The following RNF17 variants were observed in gnomAD, a reference collection of about 807,000 sequenced individuals.
RNF17 encodes the protein ring finger protein 17, also known as spermatogenesis associated 23.
Under a neutral mutation model 200.5 loss-of-function variants are expected in RNF17, and 31 were observed. That is an observed-to-expected ratio of 0.15 (90% confidence interval 0.12 to 0.21). The LOEUF (loss-of-function observed/expected upper bound fraction) is 0.21, where lower values mean the gene tolerates loss of function less well. Ranked by LOEUF, RNF17 falls within the 10% of genes least tolerant of loss-of-function variation. The probability of loss-of-function intolerance (pLI) is 1.00; values close to 1 mark genes in which losing one functional copy is unlikely to be tolerated. For missense variants in RNF17, 1,628 were observed against 1,905.1 expected, an observed-to-expected ratio of 0.85 and a Z score of 2.71; for synonymous variants, 606 against 637.8, an observed-to-expected ratio of 0.95 and a Z score of 0.75.
chr13:24,747,870 G>C, the RNF17 span, among the ~76,000 whole-genome samples: 1 of 152,268 alleles, frequency 6.6e-6, no homozygotes, highest in South Asian at 2.1e-4. Flanking sequence ...CCCCAGGTTG[G>C]CTAAAGCGGT....
rs56380421 is a variant in RNF17 at position 24,870,484 on chromosome 13, G to A, written c.4279-87G>A. The A allele has an allele frequency of 5.9e-3, 6,878 of 1,156,544 alleles. 254 individuals carry two copies. In the African/African-American group the frequency reaches 0.089, roughly 15 times the overall value. The allele number at this position is 1,156,544 out of a possible 1,614,324, so 71.6% of individuals were successfully genotyped here. A position where few individuals can be genotyped will look rare whatever the true frequency, so the allele number is the denominator to read the frequency against. Reference sequence around the variant, plus strand: ...AGGGGTCTCTGGGAGCATCGCTGGAGGCTGTCTGCTACAGTAATTTTGTCC... The same window carrying A: ...AGGGGTCTCTGGGAGCATCGCTGGAAGCTGTCTGCTACAGTAATTTTGTCC... On this transcript the variant is annotated intron_variant, in intron 31 of 35. Coordinates refer to ENST00000255324, the MANE Select transcript of RNF17 (RefSeq NM_031277.3).
chr13:24,847,232 A>G (rs148457236), intron 22 of RNF17, among the ~76,000 whole-genome samples: 1 of 152,308 alleles, frequency 6.6e-6, no homozygotes, highest in East Asian at 1.9e-4. Context: ...TCTTCATATT[A>G]CAATTGAAGA....
chr13:24,838,286 C>T (rs752154439), intron 18 of RNF17, among the ~76,000 whole-genome samples: 3 of 152,152 alleles, frequency 2.0e-5, no homozygotes, highest in Non-Finnish European at 4.4e-5. Flanking sequence ...CCTTTTGACA[C>T]TATTCCACAA....
chr13:24,772,426 A>ATTTTTTTTTT (rs34066913), intron 2 of RNF17, among the ~76,000 whole-genome samples: 196 of 105,952 alleles, frequency 1.8e-3, no homozygotes, highest in Non-Finnish European at 2.7e-3. Context: ...TTGAGTCTCC[A>ATTTTTTTTTT]TTTTTTTTTT....
At chr13:24,806,084 T>C (rs993157814) in intron 15 of RNF17, among the ~76,000 whole-genome samples, 4 of 152,126 alleles carry the variant, frequency 2.6e-5, no homozygotes, top group African/African-American at 9.7e-5. Flanking sequence ...CCCCTCCCTG[T>C]GTCTGTGTGT....
At chr13:24,764,618 C>T (rs1879314031) in intron 1 of RNF17, among the ~76,000 whole-genome samples, 1 of 152,218 alleles carries the variant, frequency 6.6e-6, no homozygotes, top group Non-Finnish European at 1.5e-5. Flanking sequence ...TAATCTACTC[C>T]TCACAAGGCA....
At chr13:24,803,947 T>G in intron 14 of RNF17, 1 of 249,958 alleles carries the variant, frequency 4.0e-6, no homozygotes, top group South Asian at 4.8e-5. Context: ...AGTCCTTCCT[T>G]TAGATCAAGT....
chr13:24,804,058 C>T (rs1885561307), intron 14 of RNF17: 3 of 419,328 alleles, frequency 7.2e-6, no homozygotes, highest in Admixed American at 4.2e-5. Context: ...GTCGCCTGAG[C>T]CCAGGAGTTC....
At position 24,859,098 on chromosome 13, in the gene RNF17, A is replaced by G. The variant is rs780114471; in HGVS notation, c.3708A>G (p.Ala1236=). 1.2e-6 allele frequency: 2 copies of G among 1,613,464 alleles called. No individual in the cohort carries two copies. The highest frequency in any genetic ancestry group is 1.3e-5 in the African/African-American group (1 of 75,052). Residue 1236 remains alanine, a synonymous_variant, in exon 26 of 36, where the codon GCA becomes GCG. Coordinates refer to ENST00000255324, the MANE Select transcript of RNF17 (RefSeq NM_031277.3). ...PYFWKKGEAC[A]VRGSDTLWYR... is the part of the protein sequence containing the mutation. ...TCTGGAAAAAAGGAGAAGCATGTGC[A>G]GTAAGAGGATCCGATACTCTGTGGT...
chr13:24,884,153 G>A (rs1566276098), downstream of RNF17: 1 of 1,613,996 alleles, frequency 6.2e-7, no homozygotes, highest in Admixed American at 1.7e-5. Flanking sequence ...GGTGGAGCAA[G>A]TTTGTACCTA....
At chr13:24,754,869 C>G in the RNF17 span, among the ~76,000 whole-genome samples, 1 of 149,990 alleles carries the variant, frequency 6.7e-6, no homozygotes, top group African/African-American at 2.5e-5. Context: ...GCACTCCAAA[C>G]TGGGTGACAG....
chr13:24,827,681 G>C (rs557433804), intron 16 of RNF17, among the ~76,000 whole-genome samples: 1 of 106,412 alleles, frequency 9.4e-6, no homozygotes, highest in Non-Finnish European at 1.7e-5. Flanking sequence ...CAGCCTGGGC[G>C]ACAGAGCGAG....
chr13:24,849,989 GTTCTC>G (rs1891689911), intron 22 of RNF17, among the ~76,000 whole-genome samples: 1 of 152,080 alleles, frequency 6.6e-6, no homozygotes, highest in Non-Finnish European at 1.5e-5. Context: ...CATCATTCCT[GTTCTC>G]TTGGAGTTTA....
At position 24,771,865 on chromosome 13, in the gene RNF17, A is replaced by G. The variant is rs1880770438; in HGVS notation, c.226-2948A>G. On this transcript the variant is annotated intron_variant, in intron 2 of 35. Transcript: ENST00000255324. ...ACTAAAAATACCAAATTAGCCAGGC[A>G]TGGTGGCGCATGCCTGTAATCCCAG... Among the ~76,000 whole-genome samples the G allele has an allele frequency of 2.0e-5, 3 of 152,022 alleles. No homozygotes were observed. The South Asian group carries it at 6.2e-4, about 32-fold the overall frequency.
At chr13:24,777,844 T>C (rs1881778485) in intron 3 of RNF17, among the ~76,000 whole-genome samples, 1 of 152,240 alleles carries the variant, frequency 6.6e-6, no homozygotes, top group African/African-American at 2.4e-5. Context: ...TTCCCACTTA[T>C]GGTTAATTGG....
intron 8 of RNF17, 100 bp from the exon 9 acceptor site, chr13:24,789,597 GT>G: frequency 1.1e-6 from 1 of 922,410 alleles, no homozygotes; most frequent in Non-Finnish European, 1.7e-6. Flanking sequence ...TTATTTAAAT[GT>G]TTCCTTTTCA....
chr13:24,848,887 C>T (rs957041231), intron 22 of RNF17, among the ~76,000 whole-genome samples: 4 of 152,122 alleles, frequency 2.6e-5, no homozygotes, highest in African/African-American at 9.7e-5. Flanking sequence ...GAGTTCCTAA[C>T]AATTTAAGCT....
At chr13:24,821,659 T>A (rs2137927845) in intron 15 of RNF17, among the ~76,000 whole-genome samples, 1 of 152,310 alleles carries the variant, frequency 6.6e-6, no homozygotes, top group East Asian at 1.9e-4. Flanking sequence ...TCCTTAGTTA[T>A]TATACTTTTG....
At chr13:24,869,973 G>A (rs139106069) in intron 31 of RNF17, among the ~76,000 whole-genome samples, 1,373 of 123,206 alleles carry the variant, frequency 0.011, 32 homozygotes, top group African/African-American at 0.04. Context: ...ACGGAGTCTC[G>A]CTCTGTCGCC....
Sources: gnomAD v4.1 joint callset for allele counts (sites outside exome capture counted in the v4.1 genomes callset) on GRCh38, gnomAD v4.1.1 for gene constraint, MANE v1.5 for transcripts, NCBI Gene and HGNC (gene_info 2026-07-23, HGNC 2026-07-21) for gene names.